CNTN4: variants seen among roughly 807,000 people sequenced by gnomAD.
CNTN4 encodes the protein contactin-4.
Under a neutral mutation model 122.5 loss-of-function variants are expected in CNTN4, and 77 were observed. That is an observed-to-expected ratio of 0.63 (90% confidence interval 0.52 to 0.76). The LOEUF (loss-of-function observed/expected upper bound fraction) is 0.76. CNTN4 is among the 30% of genes least tolerant of loss of function. CNTN4 has a pLI of 0.00. For synonymous variants in CNTN4, 512 were observed against 447.0 expected, an observed-to-expected ratio of 1.15 and a Z score of -1.83; for missense variants, 1,256 against 1,259.1, an observed-to-expected ratio of 1.00 and a Z score of 0.04.
intron 21 of CNTN4, 102 bp from the exon 22 acceptor site, chr3:3,042,875 A>C: frequency 3.2e-6 from 3 of 925,022 alleles, no homozygotes; most frequent in Non-Finnish European, 3.5e-6. Context: ...GTAGTATAGA[A>C]AACTAACTCC....
chr3:2,497,347 A>C (rs76833743), intron 3 of CNTN4, among the ~76,000 whole-genome samples: 3,313 of 152,292 alleles, frequency 0.022, 127 homozygotes, highest in African/African-American at 0.076. Context: ...TCTAAAATCA[A>C]TACCTGTAGT....
chr3:2,725,606 G>A (rs1401623287), intron 4 of CNTN4, among the ~76,000 whole-genome samples: 1 of 152,016 alleles, frequency 6.6e-6, no homozygotes, highest in African/African-American at 2.4e-5. Flanking sequence ...GGAAGGGCCT[G>A]GACAACACAC....
At chr3:2,582,241 G>C (rs1559265825) in intron 4 of CNTN4, among the ~76,000 whole-genome samples, 1 of 152,220 alleles carries the variant, frequency 6.6e-6, no homozygotes, top group Non-Finnish European at 1.5e-5. Context: ...CAGGAAGTTA[G>C]AGTTGCTCAG....
At chr3:2,634,760 G>A (rs994855509) in intron 4 of CNTN4, among the ~76,000 whole-genome samples, 1 of 151,674 alleles carries the variant, frequency 6.6e-6, no homozygotes, top group African/African-American at 2.4e-5. Context: ...GGAGGCTGAG[G>A]CAGGAGAATC....
At chr3:2,525,483 C>T (rs2077368836) in intron 3 of CNTN4, among the ~76,000 whole-genome samples, 2 of 152,048 alleles carry the variant, frequency 1.3e-5, no homozygotes, top group African/African-American at 4.8e-5. Context: ...TAGATGTAAG[C>T]TGCATTTAAT....
At chr3:2,378,264 A>T (rs1174128700) in intron 3 of CNTN4, among the ~76,000 whole-genome samples, 1 of 152,194 alleles carries the variant, frequency 6.6e-6, no homozygotes, top group Non-Finnish European at 1.5e-5. Context: ...TTATTCGGGG[A>T]TGCAGGCACT....
At chr3:2,336,330 TA>T (rs1372288188) in intron 2 of CNTN4, among the ~76,000 whole-genome samples, 2 of 151,902 alleles carry the variant, frequency 1.3e-5, no homozygotes, top group Admixed American at 6.6e-5. Flanking sequence ...ACTTTTTGAA[TA>T]AAAAAAATTA....
intron 2 of CNTN4, among the ~76,000 whole-genome samples, chr3:2,288,788 TTTG>T: frequency 6.6e-6 from 1 of 152,218 alleles, no homozygotes; most frequent in Middle Eastern, 3.4e-3. Flanking sequence ...CAAGTTTTGT[TTTG>T]TTGGTAGGAA....
chr3:2,423,959 G>GAAGGATAGC lies in CNTN4; in HGVS notation c.-89+84727_-89+84728insAGGATAGCA, dbSNP rs1553645467. ...GGGGTGGAGGGAGGGGGTTTTTTTT[G>GAAGGATAGC]ATTAGGCAACATACCTAATGTAAAT... On this transcript the variant is annotated intron_variant, in intron 3 of 24. Transcript: ENST00000418658. Among the ~76,000 whole-genome samples, 1,258 of 39,466 alleles carry GAAGGATAGC rather than the reference G, an allele frequency of 0.032. 290 individuals carry two copies. The South Asian group carries it at 0.35, about 11-fold the overall frequency. The allele number at this position is 39,466 out of a possible 152,430, so 25.9% of individuals were successfully genotyped here.
intron 4 of CNTN4, among the ~76,000 whole-genome samples, chr3:2,611,733 T>G (rs934216504): frequency 2.0e-5 from 3 of 152,276 alleles, no homozygotes; most frequent in South Asian, 4.1e-4. Context: ...GAACAACAAA[T>G]TTTAAAGAAG....
At chr3:2,177,029 A>AT (rs574171385) in intron 2 of CNTN4, among the ~76,000 whole-genome samples, 1 of 151,990 alleles carries the variant, frequency 6.6e-6, no homozygotes, top group Non-Finnish European at 1.5e-5. Context: ...GTCAGTGAGA[A>AT]TTTTTTTTAG....
At chr3:2,744,392 T>A (rs1392366188) in intron 5 of CNTN4, among the ~76,000 whole-genome samples, 1 of 152,264 alleles carries the variant, frequency 6.6e-6, no homozygotes, top group Non-Finnish European at 1.5e-5. Context: ...ACACAAATAT[T>A]TAAATGGTGA....
intron 4 of CNTN4, among the ~76,000 whole-genome samples, chr3:2,697,300 C>G (rs567761102): frequency 6.6e-5 from 10 of 152,300 alleles, no homozygotes; most frequent in Non-Finnish European, 1.5e-5. Flanking sequence ...GACTGTTTCT[C>G]CTGCTTTTGC....
At chr3:2,159,861 A>G (rs560190149) in intron 2 of CNTN4, among the ~76,000 whole-genome samples, 27 of 152,028 alleles carry the variant, frequency 1.8e-4, no homozygotes, top group Middle Eastern at 3.4e-3. Flanking sequence ...TAATCCTTTA[A>G]CAAACCTTGC....
chr3:2,672,729 G>A (rs1017231404), intron 4 of CNTN4, among the ~76,000 whole-genome samples: 1 of 152,260 alleles, frequency 6.6e-6, no homozygotes, highest in Admixed American at 6.5e-5. Context: ...TTCCTATTCG[G>A]CCATCTATAA....
At chr3:2,287,653 A>G (rs1221543132) in intron 2 of CNTN4, among the ~76,000 whole-genome samples, 6,642 of 34,740 alleles carry the variant, frequency 0.19, 419 homozygotes, top group Non-Finnish European at 0.25. Flanking sequence ...GAAGAAGAAG[A>G]AGAAGAAGAA....
intron 14 of CNTN4, among the ~76,000 whole-genome samples, chr3:3,009,469 T>A (rs555849206): frequency 6.6e-6 from 1 of 152,010 alleles, no homozygotes; most frequent in Non-Finnish European, 1.5e-5. Context: ...AGTCTTGCTC[T>A]GTCGCCCAGG....
At chr3:2,629,386 G>A (rs756010774) in intron 4 of CNTN4, 43 of 304,464 alleles carry the variant, frequency 1.4e-4, no homozygotes, top group Non-Finnish European at 1.8e-4. Context: ...GGCAGCCTGA[G>A]CAGACTAATG....
intron 7 of CNTN4, among the ~76,000 whole-genome samples, chr3:2,851,378 T>C (rs751971787): frequency 5.9e-5 from 9 of 152,208 alleles, no homozygotes; most frequent in Non-Finnish European, 8.8e-5. Context: ...GCAGAAGCAG[T>C]GGCCTAAATA....
Sources: allele counts gnomAD v4.1 joint callset (sites outside exome capture counted in the v4.1 genomes callset), GRCh38; gene constraint gnomAD v4.1.1; transcripts MANE v1.5; gene names NCBI Gene and HGNC (gene_info 2026-07-23, HGNC 2026-07-21).